LTBP1: variants seen among roughly 807,000 people sequenced by gnomAD.
LTBP1 encodes the protein latent transforming growth factor beta binding protein 1, also known as latent-transforming growth factor beta-binding protein 1.
In LTBP1, 129 loss-of-function variants were observed where a neutral mutation model predicts 207.6. That is an observed-to-expected ratio of 0.62 (90% CI 0.54 to 0.72). LTBP1 has a LOEUF of 0.72. LTBP1 is among the 30% of genes least tolerant of loss of function. LTBP1 has a pLI of 0.00. For synonymous variants in LTBP1, 963 were observed against 833.7 expected (o/e 1.16, Z -2.67); for missense variants, 2,281 against 2,217.2 (o/e 1.03, Z -0.58).
intron 20 of LTBP1, among the ~76,000 whole-genome samples, chr2:33,294,642 G>A (rs1307537813): frequency 2.8e-5 from 4 of 143,654 alleles, no homozygotes; most frequent in South Asian, 2.2e-4. Context: ...GCAGTAGTAC[G>A]ATCTTGGCTC....
chr2:32,983,984 T>C (rs953287578), intron 2 of LTBP1, among the ~76,000 whole-genome samples: 1 of 152,244 alleles, frequency 6.6e-6, no homozygotes, highest in African/African-American at 2.4e-5. Context: ...TACTGCATAA[T>C]TTTCATCTAA....
At chr2:33,114,516 A>G (rs1037155161) in intron 4 of LTBP1, among the ~76,000 whole-genome samples, 9 of 152,154 alleles carry the variant, frequency 5.9e-5, no homozygotes, top group Admixed American at 4.6e-4. Flanking sequence ...AAAGCAGCCC[A>G]AGAGGCCCTG....
chr2:33,188,192 A>G (rs2148831801), intron 6 of LTBP1, among the ~76,000 whole-genome samples: 1 of 152,228 alleles, frequency 6.6e-6, no homozygotes, highest in African/African-American at 2.4e-5. Context: ...AGGCCAAGGC[A>G]GGCGGATCAC....
chr2:33,172,180 A>T (rs1463098488), intron 5 of LTBP1, among the ~76,000 whole-genome samples: 1 of 152,198 alleles, frequency 6.6e-6, no homozygotes, highest in Non-Finnish European at 1.5e-5. Context: ...ATGTAAATGG[A>T]CTAAATGCTC....
intron 31 of LTBP1, among the ~76,000 whole-genome samples, chr2:33,374,563 G>A (rs59877056): frequency 0.03 from 4,515 of 152,268 alleles, 264 homozygotes; most frequent in East Asian, 0.22. Flanking sequence ...ACAGGCAAGC[G>A]TTCCAGTTCT....
chr2:33,149,322 G>T (rs1008448773), intron 5 of LTBP1, among the ~76,000 whole-genome samples: 1 of 150,870 alleles, frequency 6.6e-6, no homozygotes, highest in Admixed American at 6.6e-5. Flanking sequence ...AGTTGAGAAG[G>T]CCTGCTCCTT....
intron 2 of LTBP1, among the ~76,000 whole-genome samples, chr2:33,015,718 T>C (rs945634090): frequency 6.6e-6 from 1 of 152,200 alleles, no homozygotes; most frequent in African/African-American, 2.4e-5. Flanking sequence ...GAGGTTTAAC[T>C]GGCTCATGGT....
At chr2:33,030,686 G>C (rs962787762) in intron 3 of LTBP1, among the ~76,000 whole-genome samples, 2 of 152,166 alleles carry the variant, frequency 1.3e-5, no homozygotes, top group African/African-American at 4.8e-5. Flanking sequence ...TGACTTTTAT[G>C]TGAAAGTAAA....
chr2:33,213,476 A>G (rs2090459960), intron 7 of LTBP1, among the ~76,000 whole-genome samples: 1 of 152,238 alleles, frequency 6.6e-6, no homozygotes, highest in Non-Finnish European at 1.5e-5. Context: ...CCTAACAGTC[A>G]TAGACAAGGA....
chr2:33,239,696 C>T (rs2092222853), intron 9 of LTBP1, among the ~76,000 whole-genome samples: 1 of 148,928 alleles, frequency 6.7e-6, no homozygotes, highest in Admixed American at 6.8e-5. Context: ...AGTTCAAGAC[C>T]AGCCTGGCCA....
At chr2:32,955,094 C>T (rs1677867119) in intron 2 of LTBP1, among the ~76,000 whole-genome samples, 1 of 152,192 alleles carries the variant, frequency 6.6e-6, no homozygotes, top group Admixed American at 6.5e-5. Context: ...TTTTAACAAG[C>T]ATCCCAAATC....
At chr2:33,028,391 CT>C (rs1341236870) in intron 3 of LTBP1, among the ~76,000 whole-genome samples, 1 of 152,116 alleles carries the variant, frequency 6.6e-6, no homozygotes, top group Non-Finnish European at 1.5e-5. Context: ...TGTGAGAGGC[CT>C]AGCGTGGTGG....
Position 33,134,149 on chromosome 2 carries a change from A to G in LTBP1, c.1034-644A>G, listed in dbSNP as rs1414366719. On this transcript the variant is annotated intron_variant, in intron 4 of 33. Coordinates refer to ENST00000404816, the MANE Select transcript of LTBP1 (RefSeq NM_206943.4). This position sits in a 1 kb window ranked among gnomAD's most constrained non-coding sequence, Gnocchi z 4.4. ...TGGGCCCCGTTCACAGGAAAACAAA[A>G]TATATGTTGCCTAAATTCTTATGGA... Among the ~76,000 whole-genome samples, 1 of 152,204 alleles carries G rather than the reference A, an allele frequency of 6.6e-6. No individual in the cohort carries two copies. Among genetic ancestry groups the G allele is most frequent in the Admixed American group, 6.5e-5 (1 of 15,290 alleles).
chr2:32,949,005 A>C (rs150654), intron 2 of LTBP1, 60 bp downstream of exon 2: 560,915 of 1,539,304 alleles, frequency 0.36, 106,645 homozygotes, highest in South Asian at 0.45. Context: ...AGGTGTCCAC[A>C]TGGGGGCATC....
intron 2 of LTBP1, among the ~76,000 whole-genome samples, chr2:32,950,373 A>G (rs1676915765): frequency 2.0e-5 from 3 of 152,162 alleles, no homozygotes; most frequent in Non-Finnish European, 4.4e-5. Flanking sequence ...CCTGGGCAGC[A>G]TGGCAAAACC....
At chr2:33,124,837 T>C (rs1172747108) in intron 4 of LTBP1, among the ~76,000 whole-genome samples, 1 of 152,204 alleles carries the variant, frequency 6.6e-6, no homozygotes, top group Non-Finnish European at 1.5e-5. Context: ...GTGAGGTAGA[T>C]AGGTTGGATG....
rs1363764013 is a variant in LTBP1 at position 33,097,860 on chromosome 2, C to T, written c.864-12722C>T. Among the ~76,000 whole-genome samples, 3 of 152,220 alleles carry T rather than the reference C, an allele frequency of 2.0e-5. No individual in the cohort carries two copies. The East Asian group carries it at 5.8e-4, about 29-fold the overall frequency. On this transcript the variant is annotated intron_variant, in intron 3 of 33. Transcript: ENST00000404816. The stretch of plus-strand genomic sequence containing the variant: ...TGTGCTGATTTATTGAATGAATCTT[C>T]TGTTAATGAATATTTAGTTTCTGGT...
chr2:33,089,772 T>C (rs1339535541), intron 3 of LTBP1, among the ~76,000 whole-genome samples: 1 of 152,266 alleles, frequency 6.6e-6, no homozygotes, highest in Non-Finnish European at 1.5e-5. Flanking sequence ...TAAAAACTGA[T>C]GATTTCTGTC....
intron 5 of LTBP1, among the ~76,000 whole-genome samples, chr2:33,136,168 T>A (rs2082130048): frequency 6.6e-6 from 1 of 152,200 alleles, no homozygotes; most frequent in Non-Finnish European, 1.5e-5. Flanking sequence ...TAAAAGGGCA[T>A]TGTGAGTTTC....
Sources: gnomAD v4.1 joint callset for allele counts (sites outside exome capture counted in the v4.1 genomes callset) on GRCh38, gnomAD v4.1.1 for gene constraint, Gnocchi (gnomAD v3.1) non-coding constraint, MANE v1.5 for transcripts, NCBI Gene and HGNC (gene_info 2026-07-23, HGNC 2026-07-21) for gene names.